SYNE1: variants seen among roughly 807,000 people sequenced by gnomAD.
The protein encoded by SYNE1 is spectrin repeat containing nuclear envelope protein 1.
SYNE1 carries 616 observed loss-of-function variants against 1,111.0 expected under a neutral mutation model. That is an observed-to-expected ratio of 0.55 (90% CI 0.52 to 0.59). The LOEUF (loss-of-function observed/expected upper bound fraction) is 0.59, where lower values mean the gene tolerates loss of function less well. Ranked by LOEUF, SYNE1 falls within the 20% of genes least tolerant of loss-of-function variation. The pLI, the probability that SYNE1 is intolerant of heterozygous loss-of-function variation, is 0.00. For missense variants in SYNE1, 10,006 were observed against 10,417.0 expected, an observed-to-expected ratio of 0.96 and a Z score of 1.72; for synonymous variants, 3,855 against 3,825.8, an observed-to-expected ratio of 1.01 and a Z score of -0.28.
rs529081294 is a variant in SYNE1, at chr6:152,375,315, T to A, written c.9324+1066A>T. Among the ~76,000 whole-genome samples, 49 of 152,210 alleles carry A rather than the reference T, an allele frequency of 3.2e-4. 2 individuals carry two copies. The South Asian group carries it at 9.3e-3, about 29-fold the overall frequency. On this transcript the variant is annotated intron_variant, in intron 58 of 145. Transcript: ENST00000367255. ...TTATATTAAGTTATTAACCAAGAAT[T>A]TAAAAAGGTGAACTACATATGAACA...
At chr6:152,500,819 C>G (rs1156603698) in intron 10 of SYNE1, among the ~76,000 whole-genome samples, 1 of 151,686 alleles carries the variant, frequency 6.6e-6, no homozygotes, top group African/African-American at 2.4e-5. Context: ...GGCGTGGTGG[C>G]GGGCGCCTGT....
At chr6:152,577,610 G>T (rs1453917494) in intron 3 of SYNE1, among the ~76,000 whole-genome samples, 1 of 152,036 alleles carries the variant, frequency 6.6e-6, no homozygotes, top group African/African-American at 2.4e-5. Flanking sequence ...TCCAGCCTGG[G>T]GGACAGAGCG....
chr6:152,263,518 G>T (rs1460631812), intron 100 of SYNE1, among the ~76,000 whole-genome samples: 1 of 151,616 alleles, frequency 6.6e-6, no homozygotes, highest in Non-Finnish European at 1.5e-5. Context: ...AGCCTCCCAA[G>T]TAGCCTCCCA....
At chr6:152,276,234 C>T (rs1289352234) in intron 98 of SYNE1, among the ~76,000 whole-genome samples, 1 of 151,920 alleles carries the variant, frequency 6.6e-6, no homozygotes, top group East Asian at 1.9e-4. Flanking sequence ...GGGGTTTCAC[C>T]ATGTTGGCCA....
intron 26 of SYNE1, 84 bp downstream of exon 26, chr6:152,450,963 G>GA (rs1176912571): frequency 2.5e-6 from 4 of 1,603,642 alleles, no homozygotes; most frequent in Non-Finnish European, 2.6e-6. Flanking sequence ...TTATTTTTCA[G>GA]ACTCAAACCA....
rs1035249484 is a variant in SYNE1 at position 152,325,258 on chromosome 6, G to A, written c.15483C>T (p.Ala5161=). 1.2e-6 allele frequency: 2 copies of A among 1,614,004 alleles called. No individual in the cohort carries two copies. Among genetic ancestry groups the A allele is most frequent in the Non-Finnish European group, 1.7e-6 (2 of 1,180,044 alleles). Residue 5161 remains alanine, a synonymous_variant, in exon 81 of 146, where the codon GCC becomes GCT. Transcript: ENST00000367255. ...CCAGTTGTGAAGCTTTTTCCTCAAG[G>A]GCCACAATTTTCTCATGGAAAGAGT... is the stretch of plus-strand genomic sequence containing the variant. ...VVNSFHEKIV[A]LEEKASQLEK...
At chr6:152,350,019 A>C (rs2096714297) in intron 72 of SYNE1, 149 bp downstream of exon 72, 3 of 1,041,864 alleles carry the variant, frequency 2.9e-6, no homozygotes, top group South Asian at 2.8e-5. Context: ...AAAACGGACT[A>C]ATACAGACCT....
At chr6:152,433,640 A>G in intron 34 of SYNE1, 155 bp downstream of exon 34, 3 of 844,188 alleles carry the variant, frequency 3.6e-6, no homozygotes, top group Non-Finnish European at 5.6e-6. Context: ...GTATTAATCC[A>G]GACCTCTTAG....
At chr6:152,564,517 A>G (rs1447427887) in intron 3 of SYNE1, among the ~76,000 whole-genome samples, 2 of 152,048 alleles carry the variant, frequency 1.3e-5, no homozygotes, top group Non-Finnish European at 2.9e-5. Flanking sequence ...GGGTTTTGCC[A>G]TGTTGCCTAG....
At position 152,331,300 on chromosome 6, in the gene SYNE1, A is replaced by T. The variant is rs763245613; in HGVS notation, c.13385T>A (p.Val4462Glu). ...LSEKTQFLMAVFQATSQIQQH... is the reference protein window; with the variant it reads ...LSEKTQFLMAEFQATSQIQQH... ...CTGAATTTGGCTGGTGGCCTGGAAC[A>T]CTGCCATGAGAAACTGGGTTTTCTC... Residue 4462 changes from valine to glutamate, a missense_variant, in exon 78 of 146, where the codon GTG becomes GAG. By Grantham distance (121) the Val-to-Glu change is moderately radical (BLOSUM62 -2). Transcript: ENST00000367255. The T allele has an allele frequency of 1.9e-6, 3 of 1,614,022 alleles. No individual in the cohort carries two copies. In the Admixed American group the frequency reaches 5.0e-5, roughly 27 times the overall value.
chr6:152,445,200 A>G (rs761328027), intron 29 of SYNE1, among the ~76,000 whole-genome samples: 2 of 152,052 alleles, frequency 1.3e-5, no homozygotes, highest in Non-Finnish European at 2.9e-5. Flanking sequence ...AAACCTAATT[A>G]TAAAAGTGCC....
At chr6:152,151,767 T>C (rs1359536739) in intron 134 of SYNE1, 77 bp from the exon 135 acceptor site, 2 of 1,558,134 alleles carry the variant, frequency 1.3e-6, no homozygotes, top group East Asian at 4.8e-5. Flanking sequence ...GCACAGCGAA[T>C]TCCAGTGTTC....
At position 152,152,057 on chromosome 6, in the gene SYNE1, T is replaced by C; in HGVS notation, c.24214A>G (p.Thr8072Ala). Residue 8072 changes from threonine (T) to alanine (A), a missense_variant, in exon 134 of 146, where the codon ACT becomes GCT. Physicochemically the swap from Thr to Ala is moderately conservative, Grantham distance 58. Around this residue, in one of 7 missense-constraint regions of SYNE1, gnomAD observed 2,182 missense variants for 2,287.8 expected, o/e 0.95. Transcript: ENST00000367255. ...QYRRLARENR[T>A]DSACSLKQMV... ...TGTTTGAGGCTACATGCTGAATCAG[T>C]GCGGTTCTCCCTGGCCAGGCGGCGG... The C allele has an allele frequency of 6.2e-7, 1 of 1,614,222 alleles. No homozygotes were observed. The highest frequency in any genetic ancestry group is 8.5e-7 in the Non-Finnish European group (1 of 1,180,044).
chr6:152,278,382 G>A (rs888467314), intron 97 of SYNE1, 102 bp from the exon 98 acceptor site: 14 of 1,359,206 alleles, frequency 1.0e-5, no homozygotes, highest in African/African-American at 8.5e-5. Flanking sequence ...TTTACGAAAC[G>A]GACAGGCTTT....
intron 145 of SYNE1, chr6:152,125,436 T>G: frequency 1.4e-6 from 2 of 1,465,784 alleles, no homozygotes; most frequent in Non-Finnish European, 1.8e-6. Context: ...GGCAGTTACA[T>G]GACCATGGGC....
intron 8 of SYNE1, among the ~76,000 whole-genome samples, chr6:152,505,930 TAGA>T (rs1564517406): frequency 6.6e-6 from 1 of 152,250 alleles, no homozygotes; most frequent in Non-Finnish European, 1.5e-5. Context: ...TCAAATGCAG[TAGA>T]ATAGACAAAT....
chr6:152,419,513 G>T, intron 40 of SYNE1, 56 bp downstream of exon 40: 5 of 1,527,786 alleles, frequency 3.3e-6, no homozygotes, highest in Admixed American at 4.1e-5. Flanking sequence ...TTTAATTCAA[G>T]AACTTTTTTA....
intron 130 of SYNE1, among the ~76,000 whole-genome samples, chr6:152,171,630 G>C (rs1272762781): frequency 6.6e-6 from 1 of 152,194 alleles, no homozygotes; most frequent in African/African-American, 2.4e-5. Flanking sequence ...GGGCAGGCAG[G>C]AGAATGCCCA....
intron 11 of SYNE1, among the ~76,000 whole-genome samples, chr6:152,492,383 G>A (rs760747306): frequency 1.2e-4 from 19 of 152,220 alleles, no homozygotes; most frequent in Non-Finnish European, 2.4e-4. Context: ...CCTCCACTGT[G>A]AGAGAAACCC....
Sources: gnomAD v4.1 joint callset for allele counts (sites outside exome capture counted in the v4.1 genomes callset) on GRCh38, gnomAD v4.1.1 for gene constraint, gnomAD v4.1.1 regional missense constraint, MANE v1.5 for transcripts, NCBI Gene and HGNC (gene_info 2026-07-23, HGNC 2026-07-21) for gene names.